ZNF771: variants seen among roughly 807,000 people sequenced by gnomAD.
ZNF771 encodes mesenchymal stem cell protein DSC43.
A neutral mutation model predicts 27.6 loss-of-function variants in ZNF771; 10 were observed. The observed-to-expected ratio is 0.36, with a 90% CI of 0.22 to 0.61. ZNF771 has a LOEUF of 0.61. Among genes scored for constraint, ZNF771 ranks in the 20% least tolerant of loss-of-function variants. ZNF771 has a pLI of 0.70. For missense variants in ZNF771, 438 were observed against 503.7 expected (o/e 0.87, Z 1.25); for synonymous variants, 261 against 225.2 (o/e 1.16, Z -1.43).
intron 2 of ZNF771, among the ~76,000 whole-genome samples, chr16:30,412,319 TC>T (rs1003385499): frequency 6.6e-6 from 1 of 152,196 alleles, no homozygotes; most frequent in African/African-American, 2.4e-5. Context: ...TGTAAAAAGT[TC>T]CCAGTGATGT....
chr16:30,418,328 C>A lies in ZNF771; in HGVS notation c.915C>A (p.Ala305=). 6.8e-7 allele frequency: 1 copy of A among 1,472,568 alleles called. No homozygotes were observed. 91.2% of individuals were successfully genotyped at this position (1,472,568 alleles called of 1,614,324 possible). ...AGCTGCCCCCTGGCGCCACGGCCGC[C>A]ACTGCCACCGAGCGTTGCCCGGAGT... The part of the protein sequence containing the change: ...DFKLPPGATA[A]TATERCPECE... Residue 305 remains alanine (A), a synonymous_variant, in exon 3 of 3, where the codon GCC becomes GCA. Coordinates refer to ENST00000319296, the MANE Select transcript of ZNF771 (RefSeq NM_001142305.2).
chr16:30,407,900 T>C (rs2151122685), intron 1 of ZNF771, 145 bp from the exon 2 acceptor site: 1 of 541,204 alleles, frequency 1.8e-6, no homozygotes, highest in Non-Finnish European at 3.2e-6. Flanking sequence ...CGGGCTGGGG[T>C]GGACGGGAGA....
At chr16:30,407,931 G>T in intron 1 of ZNF771, 114 bp from the exon 2 acceptor site, 2 of 704,570 alleles carry the variant, frequency 2.8e-6, no homozygotes, top group Non-Finnish European at 4.6e-6. Context: ...CGGAGACCAG[G>T]GCAGGGCGGG....
chr16:30,415,845 G>T (rs1008628964), intron 2 of ZNF771, among the ~76,000 whole-genome samples: 1 of 152,170 alleles, frequency 6.6e-6, no homozygotes, highest in Non-Finnish European at 1.5e-5. Flanking sequence ...GTAGATACGC[G>T]ACATCAGTTT....
intron 2 of ZNF771, among the ~76,000 whole-genome samples, chr16:30,411,408 G>A (rs1464530912): frequency 6.6e-6 from 1 of 152,156 alleles, no homozygotes; most frequent in Non-Finnish European, 1.5e-5. Flanking sequence ...GCCAGGTAGG[G>A]CCTGCTCTAA....
rs200450867 is a variant in ZNF771 at position 30,408,181 on chromosome 16, T to C, written c.128T>C (p.Met43Thr). 9 of 1,613,752 alleles carry C rather than the reference T, an allele frequency of 5.6e-6. No homozygotes were observed. The highest frequency in any genetic ancestry group is 2.2e-5 in the South Asian group (2 of 91,076). The part of the protein sequence containing the change: ...KYEVVKLKIP[M>T]DNKEVPGEAP... Reference sequence around the variant, plus strand: ...GAGGTGGTGAAACTCAAGATCCCCATGGACAACAAGGAGGTATGTGTCACA... The same window carrying C: ...GAGGTGGTGAAACTCAAGATCCCCACGGACAACAAGGAGGTATGTGTCACA... Residue 43 changes from methionine to threonine, a missense_variant, in exon 2 of 3, where the codon ATG becomes ACG. This residue lies in a region of ZNF771 where 84 missense variants were observed against 89.2 expected (regional missense o/e 0.94). Coordinates refer to ENST00000319296, the MANE Select transcript of ZNF771 (RefSeq NM_001142305.2).
In ZNF771 at chr16:30,417,577, C is replaced by T; in HGVS notation, c.164C>T (p.Pro55Leu). ...CAGGTCCCGGGCGAGGCGCCCGCGCCGTCCGCCGACCCGGCGCGTCCCCAC... is the reference window on the plus strand; with the variant it reads ...CAGGTCCCGGGCGAGGCGCCCGCGCTGTCCGCCGACCCGGCGCGTCCCCAC... Reference protein sequence around the residue: ...NKEVPGEAPAPSADPARPHAC... With the variant: ...NKEVPGEAPALSADPARPHAC... The change falls in exon 3 of 3, where the codon CCG (proline) becomes CTG (leucine). Residue 55 changes from proline (P) to leucine (L), a missense_variant. Around this residue, in one of 3 missense-constraint regions of ZNF771, gnomAD observed 84 missense variants for 89.2 expected, o/e 0.94. Coordinates refer to ENST00000319296, the MANE Select transcript of ZNF771 (RefSeq NM_001142305.2). The T allele has an allele frequency of 1.6e-6, 2 of 1,228,462 alleles. No homozygotes were observed. The highest frequency in any genetic ancestry group is 2.0e-6 in the Non-Finnish European group (2 of 987,708). 76.1% of individuals were successfully genotyped at this position (1,228,462 alleles called of 1,614,324 possible).
intron 2 of ZNF771, among the ~76,000 whole-genome samples, chr16:30,410,223 C>T (rs2050096600): frequency 6.6e-6 from 1 of 151,832 alleles, no homozygotes; most frequent in Non-Finnish European, 1.5e-5. Flanking sequence ...CTGCCTCAGT[C>T]TCCTGAGTAG....
Position 30,418,420 on chromosome 16 carries a change from C to T in ZNF771, c.*53C>T. 1.5e-6 allele frequency: 2 copies of T among 1,344,880 alleles called. No homozygotes were observed. Among genetic ancestry groups the T allele is most frequent in the African/African-American group, 1.5e-5 (1 of 64,958 alleles). 83.3% of individuals were successfully genotyped at this position (1,344,880 alleles called of 1,614,324 possible). On this transcript the variant is annotated 3_prime_UTR_variant, in exon 3 of 3. Transcript: ENST00000319296. ...TGGGGCTTCGACCTGGCTGCACTAA[C>T]CCAGGCTCCTCCTCGCCCCGGCCTC...
At chr16:30,410,492 C>G (rs1168156198) in intron 2 of ZNF771, among the ~76,000 whole-genome samples, 1 of 152,004 alleles carries the variant, frequency 6.6e-6, no homozygotes, top group South Asian at 2.1e-4. Context: ...TGAAGACAAA[C>G]GACTCAAGGC....
At chr16:30,413,513 C>CT in intron 2 of ZNF771, 1 of 274,362 alleles carries the variant, frequency 3.6e-6, no homozygotes, top group Admixed American at 4.4e-5. Flanking sequence ...AATTATGAGA[C>CT]TTTTTTAAAG....
At position 30,418,635 on chromosome 16, in the gene ZNF771, G is replaced by A; in HGVS notation, c.*268G>A. ...GTGAGTGAGGTGGGTGGGAGAGGAA[G>A]AAAGTTGGGGTTCTCCAGGCTCAGG... is the stretch of plus-strand genomic sequence containing the variant. On this transcript the variant is annotated 3_prime_UTR_variant, in exon 3 of 3. Coordinates refer to ENST00000319296, the MANE Select transcript of ZNF771 (RefSeq NM_001142305.2). The A allele has an allele frequency of 2.5e-6, 1 of 393,894 alleles. No homozygotes were observed. The highest frequency in any genetic ancestry group is 3.8e-5 in the East Asian group (1 of 26,416). The allele number at this position is 393,894 out of a possible 1,614,324, so 24.4% of individuals were successfully genotyped here.
At chr16:30,408,745 T>A (rs542743081) in intron 2 of ZNF771, among the ~76,000 whole-genome samples, 1 of 152,172 alleles carries the variant, frequency 6.6e-6, no homozygotes, top group Non-Finnish European at 1.5e-5. Context: ...ATGGCTTATG[T>A]GAGACTAGTA....
At chr16:30,407,987 CGGGG>C in intron 1 of ZNF771, 54 bp from the exon 2 acceptor site, 3 of 719,316 alleles carry the variant, frequency 4.2e-6, no homozygotes, top group Non-Finnish European at 5.6e-6. Flanking sequence ...CCACGGTGGG[CGGGG>C]GGGGGGGTGG....
In ZNF771 at chr16:30,417,925, G is replaced by T; in HGVS notation, c.512G>T (p.Gly171Val). The change falls in exon 3 of 3, where the codon GGC becomes GTC. Residue 171 changes from glycine to valine, a missense_variant. By Grantham distance (109) the Gly-to-Val change is moderately radical (BLOSUM62 -3). Around this residue, in one of 3 missense-constraint regions of ZNF771, gnomAD observed 305 missense variants for 308.0 expected, o/e 0.99. Coordinates refer to ENST00000319296, the MANE Select transcript of ZNF771 (RefSeq NM_001142305.2). Reference sequence around the variant, plus strand: ...GCACAGCACCTGCGCGTGCACACGGGCGAGAAGCCGTACGCGTGCCCGGAC... The same window carrying T: ...GCACAGCACCTGCGCGTGCACACGGTCGAGAAGCCGTACGCGTGCCCGGAC... ...NYAQHLRVHT[G>V]EKPYACPDCG... 6.6e-7 allele frequency: 1 copy of T among 1,518,848 alleles called. No homozygotes were observed. The highest frequency in any genetic ancestry group is 8.7e-7 in the Non-Finnish European group (1 of 1,143,094). The allele number at this position is 1,518,848 out of a possible 1,614,324, so 94.1% of individuals were successfully genotyped here.
intron 1 of ZNF771, 59 bp from the exon 2 acceptor site, chr16:30,407,986 G>GC: frequency 9.4e-7 from 1 of 1,061,640 alleles, no homozygotes; most frequent in South Asian, 1.6e-5. Flanking sequence ...GCCACGGTGG[G>GC]CGGGGGGGGG....
At chr16:30,411,444 A>C (rs1289746888) in intron 2 of ZNF771, among the ~76,000 whole-genome samples, 1 of 152,174 alleles carries the variant, frequency 6.6e-6, no homozygotes, top group Non-Finnish European at 1.5e-5. Context: ...GATGAGGAAA[A>C]GGGGCCATTT....
intron 1 of ZNF771, 33 bp from the exon 2 acceptor site, chr16:30,408,012 G>T: frequency 7.4e-7 from 1 of 1,357,886 alleles, no homozygotes; most frequent in Non-Finnish European, 9.9e-7. Context: ...GGGGGGGCGG[G>T]TCCTGAGCTT....
chr16:30,418,523 C>G lies in ZNF771; in HGVS notation c.*156C>G, dbSNP rs866970396. 1.0e-4 allele frequency: 75 copies of G among 719,516 alleles called. No individual in the cohort carries two copies. The Middle Eastern group carries it at 2.5e-3, about 24-fold the overall frequency. 44.6% of individuals were successfully genotyped at this position (719,516 alleles called of 1,614,324 possible). ...ACAGGGAGAATCCCCTGCCGGGGTC[C>G]CTGGAAACAGTGCCCACCCCACATC... On this transcript the variant is annotated 3_prime_UTR_variant, in exon 3 of 3. Coordinates refer to ENST00000319296, the MANE Select transcript of ZNF771 (RefSeq NM_001142305.2).
Sources: allele counts gnomAD v4.1 joint callset (sites outside exome capture counted in the v4.1 genomes callset), GRCh38; gene constraint gnomAD v4.1.1; regional missense constraint gnomAD v4.1.1; transcripts MANE v1.5; gene names NCBI Gene and HGNC (gene_info 2026-07-23, HGNC 2026-07-21).